Variants in KCNT2 observed in about 807,000 individuals in gnomAD.
The protein encoded by KCNT2 is potassium channel subfamily T member 2.
A neutral mutation model predicts 153.8 loss-of-function variants in KCNT2; 67 were observed. The observed-to-expected ratio is 0.44, with a 90% confidence interval of 0.36 to 0.53. The LOEUF is 0.53. KCNT2 is among the 20% of genes least tolerant of loss of function. KCNT2 has a pLI of 0.00. For missense variants in KCNT2, 975 were observed against 1,354.8 expected (o/e 0.72, Z 4.40); for synonymous variants, 500 against 458.8 (o/e 1.09, Z -1.15).
intron 8 of KCNT2, among the ~76,000 whole-genome samples, chr1:196,457,923 T>C (rs950949937): frequency 6.6e-6 from 1 of 151,754 alleles, no homozygotes; most frequent in African/African-American, 2.4e-5. Flanking sequence ...CTCTTTGCAG[T>C]GATAAAAACC....
At chr1:196,568,595 CA>C (rs34667117) in intron 1 of KCNT2, among the ~76,000 whole-genome samples, 311 of 118,776 alleles carry the variant, frequency 2.6e-3, no homozygotes, top group Middle Eastern at 4.6e-3. Flanking sequence ...GACTCCGTCT[CA>C]AAAAAAAAAA....
chr1:196,277,847 T>A (rs1558092776), intron 25 of KCNT2, among the ~76,000 whole-genome samples: 1 of 152,054 alleles, frequency 6.6e-6, no homozygotes, highest in African/African-American at 2.4e-5. Flanking sequence ...TATATAATCT[T>A]AAAAAAATAA....
chr1:196,505,427 T>C (rs1432627819), intron 1 of KCNT2, among the ~76,000 whole-genome samples: 1 of 151,916 alleles, frequency 6.6e-6, no homozygotes, highest in African/African-American at 2.4e-5. Flanking sequence ...GGCTCTGTTC[T>C]GTTCCATTGA....
At chr1:196,235,912 C>T (rs558124452) in intron 27 of KCNT2, 74 bp downstream of exon 27, 1 of 913,652 alleles carries the variant, frequency 1.1e-6, no homozygotes, top group South Asian at 1.5e-5. Flanking sequence ...CTATTATGGC[C>T]TAAATATAAG....
intron 12 of KCNT2, among the ~76,000 whole-genome samples, chr1:196,402,915 C>G (rs1179024008): frequency 2.0e-5 from 3 of 151,506 alleles, no homozygotes; most frequent in Admixed American, 2.0e-4. Context: ...CTGAAAACAC[C>G]AAATACTAGA....
intron 14 of KCNT2, among the ~76,000 whole-genome samples, chr1:196,352,517 T>C (rs574718592): frequency 1.5e-3 from 225 of 152,294 alleles, no homozygotes; most frequent in African/African-American, 5.1e-3. Context: ...TATTCTCTGA[T>C]GGTAGTTTGT....
chr1:196,242,156 T>C lies in KCNT2; in HGVS notation c.3212-6086A>G, dbSNP rs139857186. Among the ~76,000 whole-genome samples the C allele has an allele frequency of 1.1e-4, 16 of 152,230 alleles. No individual in the cohort carries two copies. In the South Asian group the frequency reaches 2.1e-3, roughly 20 times the overall value. ...TTTCAAAATACTATGATTACAGCTA[T>C]TTTATATTAAAGAATGTGGGACAAA... On this transcript the variant is annotated intron_variant, in intron 26 of 27. Transcript: ENST00000294725.
intron 18 of KCNT2, among the ~76,000 whole-genome samples, chr1:196,330,648 C>A (rs1664370290): frequency 6.6e-6 from 1 of 151,896 alleles, no homozygotes; most frequent in African/African-American, 2.4e-5. Context: ...ATCTTTTGGA[C>A]AGCTTCTCTT....
chr1:196,422,769 G>A (rs1673318007), intron 12 of KCNT2, among the ~76,000 whole-genome samples: 1 of 151,792 alleles, frequency 6.6e-6, no homozygotes, highest in Admixed American at 6.6e-5. Context: ...CATATCATAA[G>A]ACATACTTAA....
chr1:196,254,396 A>T (rs1279841919), intron 26 of KCNT2, among the ~76,000 whole-genome samples: 4 of 151,570 alleles, frequency 2.6e-5, no homozygotes, highest in African/African-American at 9.7e-5. Flanking sequence ...TCCAGTGCCA[A>T]TTCCTTCTGA....
intron 7 of KCNT2, among the ~76,000 whole-genome samples, chr1:196,467,068 C>A (rs1677683567): frequency 6.6e-6 from 1 of 151,910 alleles, no homozygotes; most frequent in African/African-American, 2.4e-5. Context: ...CTTAGGAAAC[C>A]CCACAGATGT....
At chr1:196,258,690 T>A in intron 25 of KCNT2, 196 bp from the exon 26 acceptor site, 1 of 638,752 alleles carries the variant, frequency 1.6e-6, no homozygotes. Context: ...AACGTACATA[T>A]AAATCAGGCA....
chr1:196,523,734 C>G (rs1210989194), intron 1 of KCNT2, among the ~76,000 whole-genome samples: 3 of 152,118 alleles, frequency 2.0e-5, no homozygotes, highest in Non-Finnish European at 4.4e-5. Context: ...ATATAAAGTT[C>G]CTTAACTGAC....
chr1:196,534,600 A>T (rs148625971), intron 1 of KCNT2, among the ~76,000 whole-genome samples: 1 of 152,298 alleles, frequency 6.6e-6, no homozygotes, highest in East Asian at 1.9e-4. Flanking sequence ...AAAAGAAGGC[A>T]TTCATCTTTA....
chr1:196,258,504 A>T lies in KCNT2; in HGVS notation c.2911-10T>A. 1 of 1,444,230 alleles carries T rather than the reference A, an allele frequency of 6.9e-7. No homozygotes were observed. Among genetic ancestry groups the T allele is most frequent in the Non-Finnish European group, 9.6e-7 (1 of 1,044,816 alleles). 89.5% of individuals were successfully genotyped at this position (1,444,230 alleles called of 1,614,324 possible). A position where few individuals can be genotyped will look rare whatever the true frequency, so the allele number is the denominator to read the frequency against. ...TGATAGATATTTGAGACTTTAAAGG[A>T]AATAGATATTGATAATTAGATACTT... is the stretch of plus-strand genomic sequence containing the variant. On this transcript the variant is annotated splice_polypyrimidine_tract_variant and intron_variant, in intron 25 of 27. Transcript: ENST00000294725.
At chr1:196,495,670 C>G (rs1369049796) in intron 1 of KCNT2, among the ~76,000 whole-genome samples, 1 of 152,158 alleles carries the variant, frequency 6.6e-6, no homozygotes, top group South Asian at 2.1e-4. Context: ...TTCCCCAGAA[C>G]CACAGAGTTT....
chr1:196,443,315 ATCATTT>A (rs1347556854), intron 8 of KCNT2, among the ~76,000 whole-genome samples: 36 of 151,634 alleles, frequency 2.4e-4, no homozygotes, highest in African/African-American at 8.7e-4. Flanking sequence ...TTATTTGGTC[ATCATTT>A]TCAAGTTATT....
At chr1:196,384,559 T>C (rs1248997688) in intron 13 of KCNT2, among the ~76,000 whole-genome samples, 1 of 151,908 alleles carries the variant, frequency 6.6e-6, no homozygotes, top group African/African-American at 2.4e-5. Flanking sequence ...TAGCTGGGCA[T>C]GGTGGTGCAC....
At chr1:196,437,412 TAA>T (rs1305843123) in intron 8 of KCNT2, among the ~76,000 whole-genome samples, 1 of 142,810 alleles carries the variant, frequency 7.0e-6, no homozygotes, top group African/African-American at 2.5e-5. Context: ...TATATATATA[TAA>T]GTTTTCTTAA....
Sources: gnomAD v4.1 joint callset for allele counts (sites outside exome capture counted in the v4.1 genomes callset) on GRCh38, gnomAD v4.1.1 for gene constraint, MANE v1.5 for transcripts, NCBI Gene and HGNC (gene_info 2026-07-23, HGNC 2026-07-21) for gene names.